The following FRMPD4 variants were observed in gnomAD, a reference collection of about 807,000 sequenced individuals.
FRMPD4 encodes the protein FERM and PDZ domain containing 4, also known as FERM and PDZ domain-containing protein 4.
FRMPD4 carries 22 observed loss-of-function variants against 94.1 expected under a neutral mutation model. The observed-to-expected ratio is 0.23, with a 90% CI of 0.17 to 0.33. FRMPD4 has a LOEUF of 0.33. Ranked by LOEUF, FRMPD4 falls within the 10% of genes least tolerant of loss-of-function variation. The pLI is 1.00. For synonymous variants in FRMPD4, 631 were observed against 548.6 expected, an observed-to-expected ratio of 1.15 and a Z score of -2.10; for missense variants, 1,111 against 1,339.9, an observed-to-expected ratio of 0.83 and a Z score of 2.67.
intron 1 of FRMPD4, among the ~76,000 whole-genome samples, chrX:12,448,895 G>A (rs1205473982): frequency 9.0e-6 from 1 of 111,643 alleles, no homozygotes; most frequent in African/African-American, 3.3e-5. Context: ...GAGCAGGCAT[G>A]GACTTAATGT....
chrX:12,402,416 T>C (rs2056619708), intron 1 of FRMPD4, among the ~76,000 whole-genome samples: 1 of 111,328 alleles, frequency 9.0e-6, no homozygotes, highest in Admixed American at 9.5e-5. Context: ...AATACCCTGC[T>C]TATAAGACCA....
intron 3 of FRMPD4, 98 bp from the exon 4 acceptor site, chrX:12,614,681 T>C: frequency 2.1e-6 from 1 of 486,063 alleles, no homozygotes; most frequent in Admixed American, 2.8e-5. Context: ...GTTTTGCTGA[T>C]AGCACCATTT....
chrX:12,682,073 T>C (rs1602316518), intron 5 of FRMPD4, among the ~76,000 whole-genome samples: 1 of 112,280 alleles, frequency 8.9e-6, no homozygotes, highest in Middle Eastern at 4.6e-3. Context: ...CTTTTGTGCC[T>C]GGTGTCCTTC....
At chrX:12,096,658 T>C (rs937573684) in intron 3 of FRMPD4, among the ~76,000 whole-genome samples, 2 of 111,633 alleles carry the variant, frequency 1.8e-5, no homozygotes, top group African/African-American at 6.5e-5. Context: ...GCTGGGGCAG[T>C]AGGGTTACTT....
chrX:12,184,242 G>C (rs755478715), intron 1 of FRMPD4, among the ~76,000 whole-genome samples: 1 of 110,758 alleles, frequency 9.0e-6, no homozygotes, highest in African/African-American at 3.3e-5. Flanking sequence ...AATCCTGAAC[G>C]CCAAACAAAT....
At chrX:12,208,227 TA>T (rs2056715030) in intron 1 of FRMPD4, among the ~76,000 whole-genome samples, 1 of 110,342 alleles carries the variant, frequency 9.1e-6, no homozygotes, top group Non-Finnish European at 1.9e-5. Context: ...CATATAATCA[TA>T]AATTGCTAGA....
At chrX:12,326,793 C>T (rs1487392301) in intron 1 of FRMPD4, among the ~76,000 whole-genome samples, 1 of 110,637 alleles carries the variant, frequency 9.0e-6, no homozygotes, top group Non-Finnish European at 1.9e-5. Context: ...AGTGAGACCT[C>T]ATCTCTACAA....
At chrX:12,011,574 C>T in intron 3 of FRMPD4, among the ~76,000 whole-genome samples, 1 of 111,682 alleles carries the variant, frequency 9.0e-6, no homozygotes, top group Non-Finnish European at 1.9e-5. Flanking sequence ...AACCAAGCAA[C>T]CTTGAAGTAC....
intron 1 of FRMPD4, among the ~76,000 whole-genome samples, chrX:12,471,934 C>G (rs914378394): frequency 9.0e-6 from 1 of 111,727 alleles, no homozygotes; most frequent in Non-Finnish European, 1.9e-5. Context: ...ATGCAACTCC[C>G]GGGGAGTTAA....
chrX:12,528,238 C>T (rs2058245448), intron 2 of FRMPD4, among the ~76,000 whole-genome samples: 1 of 110,294 alleles, frequency 9.1e-6, no homozygotes, highest in African/African-American at 3.3e-5. Flanking sequence ...ACAAAACTCC[C>T]AGGAGCTAGT....
At chrX:11,999,370 T>A (rs2054512484) in intron 3 of FRMPD4, among the ~76,000 whole-genome samples, 1 of 112,032 alleles carries the variant, frequency 8.9e-6, no homozygotes, top group South Asian at 3.7e-4. Flanking sequence ...ATGATAAGCA[T>A]TCCAAAGAAA....
intron 3 of FRMPD4, among the ~76,000 whole-genome samples, chrX:12,017,219 G>A (rs1277594038): frequency 8.9e-6 from 1 of 112,199 alleles, no homozygotes; most frequent in Non-Finnish European, 1.9e-5. Context: ...CTGGGCCCTT[G>A]TAACTCATTG....
intron 1 of FRMPD4, among the ~76,000 whole-genome samples, chrX:11,854,767 C>T (rs1393794132): frequency 8.9e-6 from 1 of 112,675 alleles, no homozygotes; most frequent in Non-Finnish European, 1.9e-5. Context: ...GTACAGCTCC[C>T]TTCCTGGCTG....
At chrX:12,236,147 A>G (rs2057068143) in intron 1 of FRMPD4, among the ~76,000 whole-genome samples, 1 of 112,118 alleles carries the variant, frequency 8.9e-6, no homozygotes, top group Non-Finnish European at 1.9e-5. Flanking sequence ...GGACTGAGAC[A>G]TCTTCTGTTT....
At chrX:12,645,259 C>T (rs1441397737) in intron 4 of FRMPD4, among the ~76,000 whole-genome samples, 1 of 107,409 alleles carries the variant, frequency 9.3e-6, no homozygotes, top group Non-Finnish European at 1.9e-5. Flanking sequence ...TATTATGATT[C>T]ATTCAGATCT....
intron 1 of FRMPD4, among the ~76,000 whole-genome samples, chrX:12,403,874 C>G (rs2056637218): frequency 9.0e-6 from 1 of 111,611 alleles, no homozygotes; most frequent in South Asian, 3.7e-4. Flanking sequence ...CCATTCTTGG[C>G]TGTGTTTCCC....
At chrX:12,615,388 A>G (rs1022408127) in intron 4 of FRMPD4, among the ~76,000 whole-genome samples, 4 of 112,504 alleles carry the variant, frequency 3.6e-5, no homozygotes, top group African/African-American at 6.5e-5. Flanking sequence ...TTTACAAAAT[A>G]CAAGTGGTTT....
chrX:12,532,999 T>C (rs1253000448), intron 2 of FRMPD4, among the ~76,000 whole-genome samples: 1 of 112,287 alleles, frequency 8.9e-6, no homozygotes, highest in Admixed American at 9.4e-5. Context: ...TTTACAAACG[T>C]TGTTCTTAAA....
chrX:11,950,827 G>C (rs903632120), intron 3 of FRMPD4, among the ~76,000 whole-genome samples: 4 of 110,681 alleles, frequency 3.6e-5, no homozygotes, highest in Non-Finnish European at 7.6e-5. Flanking sequence ...GGAGGCCGAG[G>C]CATGTGGATT....
Sources: allele counts gnomAD v4.1 joint callset (sites outside exome capture counted in the v4.1 genomes callset), GRCh38; gene constraint gnomAD v4.1.1; transcripts MANE v1.5; gene names NCBI Gene and HGNC (gene_info 2026-07-23, HGNC 2026-07-21).